Variants in POLD1 observed in about 807,000 individuals in gnomAD.
POLD1 encodes the protein DNA polymerase delta catalytic subunit.
In POLD1, 79 loss-of-function variants were observed where a neutral mutation model predicts 129.7. The ratio of observed to expected loss-of-function variants is 0.61; its 90% confidence interval spans 0.51 to 0.73. The LOEUF (loss-of-function observed/expected upper bound fraction) is 0.73, where lower values mean the gene tolerates loss of function less well. Ranked by LOEUF, POLD1 falls within the 30% of genes least tolerant of loss-of-function variation. The pLI is 0.00. For synonymous variants in POLD1, 714 were observed against 683.3 expected (o/e 1.04, Z -0.70); for missense variants, 1,338 against 1,595.8 (o/e 0.84, Z 2.75).
At position 50,398,883 on chromosome 19, in the gene POLD1, C is replaced by T. The variant is rs922648487; in HGVS notation, c.32C>T (p.Pro11Leu). 1 of 1,607,430 alleles carries T rather than the reference C, an allele frequency of 6.2e-7. No individual in the cohort carries two copies. The highest frequency in any genetic ancestry group is 8.5e-7 in the Non-Finnish European group (1 of 1,178,316). MDGKRRPGPG[P>L]GVPPKRARGG... ...GGCAAGCGGCGGCCAGGCCCAGGGC[C>T]CGGGGTGCCCCCAAAGCGGGCCCGT... Residue 11 changes from proline (P) to leucine (L), a missense_variant, in exon 2 of 27, where the codon CCC becomes CTC. This residue lies in a region of POLD1 where 332 missense variants were observed against 315.7 expected (regional missense o/e 1.05). Coordinates refer to ENST00000440232, the MANE Select transcript of POLD1 (RefSeq NM_002691.4).
In POLD1 at chr19:50,409,441, T is replaced by G; in HGVS notation, c.2007-78T>G. Reference sequence around the variant, plus strand: ...AGTGCACAGTACGCCCAACCGTACATGGCACTCACTTCCAGAAAGGAGCCC... The same window carrying G: ...AGTGCACAGTACGCCCAACCGTACAGGGCACTCACTTCCAGAAAGGAGCCC... On this transcript the variant is annotated intron_variant, in intron 16 of 26. Transcript: ENST00000440232. The surrounding 1 kb of genome is among the most constrained non-coding windows in gnomAD (Gnocchi z 5.8). 1 of 1,584,250 alleles carries G rather than the reference T, an allele frequency of 6.3e-7. No homozygotes were observed. The highest frequency in any genetic ancestry group is 1.1e-5 in the South Asian group (1 of 90,126).
chr19:50,402,489 G>A lies in POLD1; in HGVS notation c.794G>A (p.Trp265Ter). 1 of 1,611,790 alleles carries A rather than the reference G, an allele frequency of 6.2e-7. No individual in the cohort carries two copies. The highest frequency in any genetic ancestry group is 8.5e-7 in the Non-Finnish European group (1 of 1,179,152). ...GACACGGACATCGTCGGCTGCAACT[G>A]GCTGGAGCTCCCAGCTGGGAAATAC... Reference protein sequence around the residue: ...MVDTDIVGCNWLELPAGKYAL... With the variant: ...MVDTDIVGCN The change falls in exon 7 of 27, where the codon TGG (tryptophan) becomes TAG (stop). Residue 265 changes from tryptophan to a stop codon, truncating the protein, a stop_gained. Coordinates refer to ENST00000440232, the MANE Select transcript of POLD1 (RefSeq NM_002691.4). LOFTEE classifies it high-confidence loss of function.
intron 22 of POLD1, chr19:50,416,143 C>G: frequency 1.7e-6 from 1 of 589,740 alleles, no homozygotes; most frequent in South Asian, 2.1e-5. Context: ...GCCCCATGAC[C>G]TCTGACCTCC....
Position 50,415,791 on chromosome 19 carries a change from G to A in POLD1, c.2785G>A (p.Ala929Thr). 6.4e-7 allele frequency: 1 copy of A among 1,563,118 alleles called. No individual in the cohort carries two copies. Among genetic ancestry groups the A allele is most frequent in the Non-Finnish European group, 8.6e-7 (1 of 1,156,416 alleles). Residue 929 changes from alanine (A) to threonine (T), a missense_variant, in exon 22 of 27, where the codon GCC becomes ACC. Ala to Thr is a moderately conservative substitution (Grantham distance 58). Coordinates refer to ENST00000440232, the MANE Select transcript of POLD1 (RefSeq NM_002691.4). ...GDRVPYVIISAAKGVAAYMKS... is the reference protein window; with the variant it reads ...GDRVPYVIISTAKGVAAYMKS... Reference sequence around the variant, plus strand: ...CCGCGTCCCCTACGTGATCATCAGTGCCGCCAAGGGTGTGGCCGCCTACAT... The same window carrying A: ...CCGCGTCCCCTACGTGATCATCAGTACCGCCAAGGGTGTGGCCGCCTACAT...
chr19:50,408,259 C>T (rs992796526), intron 14 of POLD1, among the ~76,000 whole-genome samples: 3 of 151,868 alleles, frequency 2.0e-5, no homozygotes, highest in Non-Finnish European at 2.9e-5. Flanking sequence ...CGCTTGAACC[C>T]GGGAGGTGGA....
At chr19:50,417,406 C>CT in intron 26 of POLD1, 137 bp downstream of exon 26, 1 of 635,988 alleles carries the variant, frequency 1.6e-6, no homozygotes, top group Non-Finnish European at 2.7e-6. Context: ...GTGAGCTGTC[C>CT]TGAGCCTCAG....
chr19:50,407,295 C>G lies in POLD1; in HGVS notation c.1687-32C>G, dbSNP rs368712082. On this transcript the variant is annotated intron_variant, in intron 13 of 26. Coordinates refer to ENST00000440232, the MANE Select transcript of POLD1 (RefSeq NM_002691.4). ...CCCAATCCGCACGGCCCCACCTATA[C>G]CCACTCCATTTCCCACCTTCTCCCC... 9.1e-5 allele frequency: 145 copies of G among 1,593,268 alleles called. No homozygotes were observed. Among genetic ancestry groups the G allele is most frequent in the Non-Finnish European group, 1.1e-4 (127 of 1,164,290 alleles).
At position 50,407,332 on chromosome 19, in the gene POLD1, G is replaced by A; in HGVS notation, c.1692G>A (p.Met564Ile). The A allele has an allele frequency of 1.9e-6, 3 of 1,612,304 alleles. No individual in the cohort carries two copies. The highest frequency in any genetic ancestry group is 2.5e-6 in the Non-Finnish European group (3 of 1,179,004). Reference protein sequence around the residue: ...KVVSQLLRQAMHEGLLMPVVK... With the variant: ...KVVSQLLRQAIHEGLLMPVVK... ...CCCACCTTCTCCCCTCCCAGGCCAT[G>A]CACGAGGGGCTGCTGATGCCCGTGG... The change falls in exon 14 of 27, where the codon ATG (methionine) becomes ATA (isoleucine). Residue 564 changes from methionine to isoleucine, a missense_variant. Met to Ile is a conservative substitution (Grantham distance 10). Around this residue, in one of 3 missense-constraint regions of POLD1, gnomAD observed 720 missense variants for 1,002.6 expected, o/e 0.72. Coordinates refer to ENST00000440232, the MANE Select transcript of POLD1 (RefSeq NM_002691.4).
chr19:50,403,599 T>TG lies in POLD1; in HGVS notation c.1242+3dup. On this transcript the variant is annotated splice_region_variant and intron_variant, in intron 10 of 26. Transcript: ENST00000440232. ...ATCTCTCGGGCCCAGACCCTCAAGG[T>TG]GAGGGCTGGGCAGGTGGGAGGCTTC... 6.3e-7 allele frequency: 1 copy of TG among 1,594,376 alleles called. No homozygotes were observed. Among genetic ancestry groups the TG allele is most frequent in the Non-Finnish European group, 8.6e-7 (1 of 1,161,980 alleles).
chr19:50,415,908 G>A, intron 22 of POLD1, 82 bp downstream of exon 22: 2 of 1,089,102 alleles, frequency 1.8e-6, no homozygotes, highest in Non-Finnish European at 2.6e-6. Flanking sequence ...CCTGCGGGAA[G>A]GGTGGGGCCT....
In POLD1 at chr19:50,416,662, C is replaced by T. The variant is rs759600947; in HGVS notation, c.3006C>T (p.Leu1002=). The T allele has an allele frequency of 2.4e-5, 38 of 1,562,186 alleles. No homozygotes were observed. The highest frequency in any genetic ancestry group is 7.5e-5 in the Admixed American group (4 of 53,474). ...KTVLTGKVGG[L]LAFAKRRNCC... is the part of the protein sequence containing the mutation. ...TGCTCACGGGCAAGGTGGGCGGCCTCCTGGCCTTCGCCAAACGCCGCAACT... is the reference window on the plus strand; with the variant it reads ...TGCTCACGGGCAAGGTGGGCGGCCTTCTGGCCTTCGCCAAACGCCGCAACT... The change falls in exon 24 of 27, where the codon CTC becomes CTT. Residue 1002 remains leucine, a synonymous_variant. Coordinates refer to ENST00000440232, the MANE Select transcript of POLD1 (RefSeq NM_002691.4).
chr19:50,399,445 C>A lies in POLD1; in HGVS notation c.277C>A (p.Pro93Thr), dbSNP rs772106549. The A allele has an allele frequency of 6.2e-7, 1 of 1,614,036 alleles. No homozygotes were observed. Reference sequence around the variant, plus strand: ...ACCAGCGCTGGACCCCCAGACAGAGCCCCTCATCTTCCAACAGTTGGAGAT... The same window carrying A: ...ACCAGCGCTGGACCCCCAGACAGAGACCCTCATCTTCCAACAGTTGGAGAT... ...TPPALDPQTE[P>T]LIFQQLEIDH... The change falls in exon 3 of 27, where the codon CCC becomes ACC. Residue 93 changes from proline to threonine, a missense_variant. By Grantham distance (38) the Pro-to-Thr change is conservative. This residue lies in a region of POLD1 where 332 missense variants were observed against 315.7 expected (regional missense o/e 1.05). Transcript: ENST00000440232.
At position 50,409,590 on chromosome 19, in the gene POLD1, T is replaced by C. The variant is rs2122387501; in HGVS notation, c.2078T>C (p.Leu693Pro). The C allele has an allele frequency of 6.2e-7, 1 of 1,613,380 alleles. No individual in the cohort carries two copies. Among genetic ancestry groups the C allele is most frequent in the Non-Finnish European group, 8.5e-7 (1 of 1,180,012 alleles). ...GTCCTGGATGGACGGCAGCTGGCGC[T>C]GAAGGTGAGCGCCAACTCCGTATAC... ...RQVLDGRQLA[L>P]KVSANSVYGF... Residue 693 changes from leucine (L) to proline (P), a missense_variant, in exon 17 of 27, where the codon CTG becomes CCG. Leu to Pro is a moderately conservative substitution (Grantham distance 98). Transcript: ENST00000440232. The surrounding 1 kb of genome is among the most constrained non-coding windows in gnomAD (Gnocchi z 5.8).
intron 10 of POLD1, among the ~76,000 whole-genome samples, chr19:50,404,286 A>G (rs955558288): frequency 6.0e-5 from 9 of 150,514 alleles, no homozygotes; most frequent in Admixed American, 2.6e-4. Context: ...TTTCCAAGAC[A>G]AAGTCTCGCT....
chr19:50,415,667 G>GCCCCCC, intron 21 of POLD1, 57 bp from the exon 22 acceptor site: 1 of 1,462,198 alleles, frequency 6.8e-7, no homozygotes, highest in Non-Finnish European at 9.3e-7. Flanking sequence ...CTACACCCTC[G>GCCCCCC]CCCCCACCCC....
chr19:50,386,794 C>A (rs1484066724), intron 1 of POLD1, among the ~76,000 whole-genome samples: 3 of 152,186 alleles, frequency 2.0e-5, no homozygotes, highest in African/African-American at 7.2e-5. Context: ...AAGACACACA[C>A]CCAGGCAGTC....
chr19:50,396,171 C>G (rs1046632649), intron 1 of POLD1, among the ~76,000 whole-genome samples: 6 of 150,852 alleles, frequency 4.0e-5, no homozygotes, highest in Non-Finnish European at 5.9e-5. Context: ...ACTGCAACCT[C>G]CACCTCTCGG....
In POLD1 at chr19:50,402,270, C is replaced by G; in HGVS notation, c.655C>G (p.Leu219Val). Residue 219 changes from leucine (L) to valine (V), a missense_variant, in exon 6 of 27, where the codon CTC becomes GTC. By Grantham distance (32) the Leu-to-Val change is conservative. Coordinates refer to ENST00000440232, the MANE Select transcript of POLD1 (RefSeq NM_002691.4). ...FLRITVALPR[L>V]VAPARRLLEQ... is the part of the protein sequence containing the mutation. The stretch of plus-strand genomic sequence containing the variant: ...GCGCATCACCGTGGCGCTGCCGCGC[C>G]TCGTGGCCCCGGCCCGCCGTCTCCT... 1 of 1,605,892 alleles carries G rather than the reference C, an allele frequency of 6.2e-7. No homozygotes were observed. Among genetic ancestry groups the G allele is most frequent in the Non-Finnish European group, 8.5e-7 (1 of 1,175,158 alleles).
chr19:50,417,510 G>A (rs369191536), intron 26 of POLD1, among the ~76,000 whole-genome samples: 2 of 152,134 alleles, frequency 1.3e-5, no homozygotes, highest in East Asian at 1.9e-4. Flanking sequence ...CCCGGGAAAC[G>A]GCTGTCCTCC....
Sources: allele counts gnomAD v4.1 joint callset (sites outside exome capture counted in the v4.1 genomes callset), GRCh38; gene constraint gnomAD v4.1.1; regional missense constraint gnomAD v4.1.1; non-coding constraint Gnocchi (gnomAD v3.1); transcripts MANE v1.5; gene names NCBI Gene and HGNC (gene_info 2026-07-23, HGNC 2026-07-21).